IMPG2: variants seen among roughly 807,000 people sequenced by gnomAD.
IMPG2 encodes IPM 200.
A neutral mutation model predicts 129.2 loss-of-function variants in IMPG2; 91 were observed. The observed-to-expected ratio is 0.70, with a 90% CI of 0.59 to 0.84. IMPG2 has a LOEUF of 0.84. IMPG2 is among the 40% of genes least tolerant of loss of function. The pLI is 0.00. For missense variants in IMPG2, 1,430 were observed against 1,461.7 expected, an observed-to-expected ratio of 0.98 and a Z score of 0.35; for synonymous variants, 510 against 517.7, an observed-to-expected ratio of 0.99 and a Z score of 0.20.
chr3:101,235,380 C>T (rs1706335172), intron 14 of IMPG2, among the ~76,000 whole-genome samples: 2 of 152,192 alleles, frequency 1.3e-5, no homozygotes, highest in African/African-American at 4.8e-5. Context: ...TTTCAGATTT[C>T]AGATTTTCAT....
At chr3:101,229,060 GATATTAC>G (rs923222844) in intron 17 of IMPG2, among the ~76,000 whole-genome samples, 184 bp from the exon 18 acceptor site, 1 of 150,006 alleles carries the variant, frequency 6.7e-6, no homozygotes, top group Non-Finnish European at 1.5e-5. Context: ...CACTACTCTG[GATATTAC>G]ATGTCCTGCT....
rs894565447 is a variant in IMPG2 at position 101,225,709 on chromosome 3, G to A, written c.*1260C>T. 4 of 152,086 alleles carry A rather than the reference G, an allele frequency of 2.6e-5. No individual in the cohort carries two copies. Among genetic ancestry groups the A allele is most frequent in the Admixed American group, 2.0e-4 (3 of 15,276 alleles). The allele number at this position is 152,086 out of a possible 1,614,324, so 9.4% of individuals were successfully genotyped here. On this transcript the variant is annotated 3_prime_UTR_variant, in exon 19 of 19. Transcript: ENST00000193391. ...CAAGCATGAAGACATCTAGCATAAA[G>A]TATCTGCATTAATAATAACCTATTG...
chr3:101,308,894 C>G (rs2107140872), intron 2 of IMPG2, among the ~76,000 whole-genome samples: 1 of 152,256 alleles, frequency 6.6e-6, no homozygotes, highest in South Asian at 2.1e-4. Context: ...TTAACAGCAC[C>G]CAAGTCACCT....
rs186477682 is a variant in IMPG2 at position 101,261,132 on chromosome 3, G to A, written c.909-3359C>T. 1.3e-3 allele frequency among the ~76,000 whole-genome samples: 192 copies of A among 152,286 alleles called. 1 individual carries two copies. The highest frequency in any genetic ancestry group is 4.3e-3 in the African/African-American group (177 of 41,576). On this transcript the variant is annotated intron_variant, in intron 9 of 18. Coordinates refer to ENST00000193391, the MANE Select transcript of IMPG2 (RefSeq NM_016247.4). ...TTTCCTGGCCACAGCCCAGCTCTGT[G>A]AGGATGTGCATGCTCTTCCAAGTCT...
chr3:101,232,375 T>C (rs1706298234), intron 15 of IMPG2, among the ~76,000 whole-genome samples: 2 of 152,060 alleles, frequency 1.3e-5, no homozygotes, highest in Non-Finnish European at 2.9e-5. Context: ...GTAGCTGGGA[T>C]TACAGGTGCC....
chr3:101,267,825 C>G (rs1335006147), intron 8 of IMPG2, among the ~76,000 whole-genome samples: 2 of 148,492 alleles, frequency 1.3e-5, no homozygotes, highest in Non-Finnish European at 3.0e-5. Flanking sequence ...GCAGAGGACT[C>G]CAGTTGTTGG....
At chr3:101,232,691 A>G (rs1028016214) in intron 15 of IMPG2, 90 bp downstream of exon 15, 7 of 1,064,540 alleles carry the variant, frequency 6.6e-6, no homozygotes, top group Admixed American at 1.9e-5. Flanking sequence ...GCATACTATA[A>G]TAAGTATCCT....
intron 4 of IMPG2, among the ~76,000 whole-genome samples, chr3:101,283,883 T>C (rs1182157233): frequency 3.5e-5 from 4 of 113,916 alleles, no homozygotes; most frequent in Non-Finnish European, 6.3e-5. Flanking sequence ...ATATATAGAC[T>C]AATAAGAAAA....
rs77395143 is a variant in IMPG2, at chr3:101,280,331, G to A, written c.534-3618C>T. 6.0e-3 allele frequency among the ~76,000 whole-genome samples: 918 copies of A among 152,176 alleles called. 11 individuals are homozygous for A. Among genetic ancestry groups the A allele is most frequent in the African/African-American group, 0.021 (885 of 41,492 alleles). On this transcript the variant is annotated intron_variant, in intron 4 of 18. Transcript: ENST00000193391. ...ATCTTCTATACTTTGCTTTGCTCTC[G>A]AATATGTTACTATAATCACATGTGA...
intron 4 of IMPG2, among the ~76,000 whole-genome samples, chr3:101,285,526 A>C (rs900293639): frequency 2.0e-5 from 3 of 152,196 alleles, no homozygotes; most frequent in East Asian, 3.9e-4. Flanking sequence ...AAATTTCAAT[A>C]TCTCTCCTGT....
At chr3:101,245,100 C>T (rs999843338) in intron 12 of IMPG2, among the ~76,000 whole-genome samples, 2 of 151,918 alleles carry the variant, frequency 1.3e-5, no homozygotes, top group African/African-American at 4.8e-5. Flanking sequence ...ACAACAAATA[C>T]TAAATCCAGC....
chr3:101,284,393 T>G (rs892324158), intron 4 of IMPG2, among the ~76,000 whole-genome samples: 1 of 152,196 alleles, frequency 6.6e-6, no homozygotes, highest in Non-Finnish European at 1.5e-5. Flanking sequence ...AAAAGTCTCT[T>G]GATGCCCAGT....
At chr3:101,298,774 T>G (rs2449822) in intron 3 of IMPG2, among the ~76,000 whole-genome samples, 109,360 of 152,152 alleles carry the variant, frequency 0.72, 40,449 homozygotes, top group East Asian at 0.84. Flanking sequence ...TCCACTGTTA[T>G]TCTGATGTTC....
rs2107253027 is a variant in IMPG2, at chr3:101,275,748, A to G, written c.584-3T>C. 1 of 1,611,220 alleles carries G rather than the reference A, an allele frequency of 6.2e-7. No homozygotes were observed. ...ATGTGGAACACTGAGAGTAGTGTCT[A>G]AGAAGAAAAGCAAAAACATATGCAT... On this transcript the variant is annotated splice_polypyrimidine_tract_variant and splice_region_variant and intron_variant, in intron 5 of 18. Transcript: ENST00000193391.
At chr3:101,227,081 T>G in intron 18 of IMPG2, 100 bp from the exon 19 acceptor site, 1 of 1,279,462 alleles carries the variant, frequency 7.8e-7, no homozygotes, top group Non-Finnish European at 1.1e-6. Flanking sequence ...CCTAAAATCA[T>G]GAATACTTTC....
rs138245341 is a variant in IMPG2, at chr3:101,319,284, C to T, written c.334+300G>A. ...CATGTGAAAAAAGTTTCTTACATAA[C>T]GCACCAAAAGCTACAAACTCAAATC... On this transcript the variant is annotated intron_variant, in intron 2 of 18. Transcript: ENST00000193391. 9.3e-3 allele frequency among the ~76,000 whole-genome samples: 1,422 copies of T among 152,114 alleles called. 15 individuals carry two copies. The highest frequency in any genetic ancestry group is 0.017 in the Non-Finnish European group (1,180 of 67,986).
intron 10 of IMPG2, among the ~76,000 whole-genome samples, chr3:101,253,988 A>G (rs569778094): frequency 6.6e-6 from 1 of 152,296 alleles, no homozygotes; most frequent in East Asian, 1.9e-4. Flanking sequence ...AGAATCTAAC[A>G]TAAAATAAAG....
At chr3:101,229,826 T>C (rs1443485810) in intron 16 of IMPG2, among the ~76,000 whole-genome samples, 4 of 152,268 alleles carry the variant, frequency 2.6e-5, no homozygotes, top group Non-Finnish European at 5.9e-5. Flanking sequence ...GTCTCATTCA[T>C]CTTATTTGCC....
chr3:101,302,678 C>T (rs1265794678), intron 3 of IMPG2, among the ~76,000 whole-genome samples: 5 of 152,142 alleles, frequency 3.3e-5, no homozygotes, highest in Admixed American at 3.3e-4. Flanking sequence ...GAGCTTGATA[C>T]ATGACATGGT....
Sources: allele counts gnomAD v4.1 joint callset (sites outside exome capture counted in the v4.1 genomes callset), GRCh38; gene constraint gnomAD v4.1.1; transcripts MANE v1.5; gene names NCBI Gene and HGNC (gene_info 2026-07-23, HGNC 2026-07-21).